The following CFAP58 variants were observed in gnomAD, a reference collection of about 807,000 sequenced individuals.
CFAP58 encodes cilia- and flagella-associated protein 58.
Under a neutral mutation model 119.5 loss-of-function variants are expected in CFAP58, and 88 were observed. The ratio of observed to expected loss-of-function variants is 0.74; its 90% CI spans 0.62 to 0.88. The LOEUF (loss-of-function observed/expected upper bound fraction) is 0.88. Ranked by LOEUF, CFAP58 falls within the 40% of genes least tolerant of loss-of-function variation. The pLI is 0.00. For missense variants in CFAP58, 990 were observed against 1,021.2 expected (o/e 0.97, Z 0.42); for synonymous variants, 365 against 366.3 (o/e 1.00, Z 0.04).
chr10:104,403,837 C>CGAGGT lies in CFAP58; in HGVS notation c.2149_2151+2dup, dbSNP rs1564894077. 6.2e-7 allele frequency: 1 copy of CGAGGT among 1,602,092 alleles called. No homozygotes were observed. Among genetic ancestry groups the CGAGGT allele is most frequent in the South Asian group, 1.1e-5 (1 of 89,604 alleles). ...TGAATGTGCACAGATGGAGGAAGCT[C>CGAGGT]GAGGTAACATCTGGCAGCGTGTTCT... is the stretch of plus-strand genomic sequence containing the variant. On this transcript the variant is annotated frameshift_variant, in exon 14 of 18. Coordinates refer to ENST00000369704, the MANE Select transcript of CFAP58 (RefSeq NM_001008723.2). LOFTEE classifies it high-confidence loss of function.
intron 13 of CFAP58, among the ~76,000 whole-genome samples, chr10:104,402,289 C>CCTT (rs2012279949): frequency 6.6e-6 from 1 of 152,166 alleles, no homozygotes; most frequent in Non-Finnish European, 1.5e-5. Flanking sequence ...TCTGCCCTCC[C>CCTT]CTTCTGATGA....
intron 13 of CFAP58, 75 bp downstream of exon 13, chr10:104,400,978 C>A: frequency 9.8e-7 from 1 of 1,022,582 alleles, no homozygotes; most frequent in Non-Finnish European, 1.5e-6. Context: ...CGTAGTCATG[C>A]TTGTTGCTCA....
the CFAP58 span, among the ~76,000 whole-genome samples, chr10:104,345,050 G>A: frequency 5.3e-5 from 8 of 152,036 alleles, no homozygotes; most frequent in African/African-American, 1.7e-4. Context: ...GGGAGGCTGA[G>A]GCAGGAGAAT....
intron 15 of CFAP58, among the ~76,000 whole-genome samples, chr10:104,414,814 C>T (rs1256488396): frequency 1.3e-5 from 2 of 152,134 alleles, no homozygotes; most frequent in African/African-American, 4.8e-5. Flanking sequence ...GGACTACAGG[C>T]GCCTGCCACC....
At chr10:104,375,622 C>T (rs934346138) in intron 7 of CFAP58, among the ~76,000 whole-genome samples, 1 of 152,082 alleles carries the variant, frequency 6.6e-6, no homozygotes, top group Non-Finnish European at 1.5e-5. Flanking sequence ...TGACCATGGC[C>T]CGTGACACAG....
intron 1 of CFAP58, among the ~76,000 whole-genome samples, chr10:104,358,090 C>CAT (rs768145686): frequency 2.7e-5 from 4 of 148,244 alleles, no homozygotes; most frequent in Non-Finnish European, 3.0e-5. Flanking sequence ...TATATACACA[C>CAT]ATATATATGT....
intron 17 of CFAP58, among the ~76,000 whole-genome samples, chr10:104,453,972 G>A (rs112116950): frequency 1.3e-4 from 20 of 152,230 alleles, no homozygotes; most frequent in African/African-American, 4.6e-4. Flanking sequence ...AAATGTCCAA[G>A]TTTGATGAAG....
intron 15 of CFAP58, among the ~76,000 whole-genome samples, chr10:104,430,377 C>T (rs1000633617): frequency 7.2e-5 from 11 of 152,196 alleles, no homozygotes; most frequent in African/African-American, 2.4e-4. Context: ...CACGGGGCAA[C>T]AGAAACACTA....
At chr10:104,354,033 T>G (rs2014506115) in intron 1 of CFAP58, 127 bp downstream of exon 1, 1 of 1,191,410 alleles carries the variant, frequency 8.4e-7, no homozygotes, top group Non-Finnish European at 1.2e-6. Context: ...CCCTGCACCC[T>G]CACTCACTCC....
At chr10:104,342,603 T>A in the CFAP58 span, among the ~76,000 whole-genome samples, 1 of 142,408 alleles carries the variant, frequency 7.0e-6, no homozygotes, top group Non-Finnish European at 1.5e-5. Flanking sequence ...GAGGCCAAGG[T>A]GGGCAGATCA....
At chr10:104,435,904 C>T (rs1188349564) in intron 15 of CFAP58, among the ~76,000 whole-genome samples, 5 of 152,184 alleles carry the variant, frequency 3.3e-5, no homozygotes, top group Non-Finnish European at 5.9e-5. Context: ...CTGCCTGAAG[C>T]CTGCTCCTTC....
chr10:104,357,838 CACATAT>C (rs1564875471), intron 1 of CFAP58, among the ~76,000 whole-genome samples: 22 of 71,932 alleles, frequency 3.1e-4, no homozygotes, highest in African/African-American at 1.6e-3. Flanking sequence ...CATATATGTA[CACATAT>C]GTACACATAT....
the CFAP58 span, among the ~76,000 whole-genome samples, chr10:104,347,683 A>AT: frequency 3.8e-4 from 58 of 151,092 alleles, no homozygotes; most frequent in East Asian, 0.01. Context: ...AGGCTTTAAA[A>AT]TTTTTTTTTT....
chr10:104,341,929 A>G, the CFAP58 span, among the ~76,000 whole-genome samples: 4 of 152,208 alleles, frequency 2.6e-5, no homozygotes, highest in Non-Finnish European at 5.9e-5. Context: ...TCAGTGCAAG[A>G]TATGAATGTC....
At chr10:104,391,884 A>G (rs1201436361) in intron 9 of CFAP58, among the ~76,000 whole-genome samples, 1 of 152,100 alleles carries the variant, frequency 6.6e-6, no homozygotes, top group Non-Finnish European at 1.5e-5. Flanking sequence ...TTGTGTTAAG[A>G]TCTGTTTAAG....
At chr10:104,449,930 G>A (rs1181832927) in intron 16 of CFAP58, 141 bp from the exon 17 acceptor site, 12 of 783,838 alleles carry the variant, frequency 1.5e-5, no homozygotes, top group African/African-American at 3.5e-5. Context: ...CCCTGAGCTG[G>A]TGGAAGCATG....
intron 9 of CFAP58, chr10:104,382,270 C>T (rs1367866104): frequency 8.5e-6 from 6 of 704,484 alleles, no homozygotes; most frequent in Non-Finnish European, 1.3e-5. Context: ...AGTCACAGGG[C>T]TGTGCCGGAC....
At chr10:104,392,161 A>G in intron 9 of CFAP58, 72 bp from the exon 10 acceptor site, 1 of 1,374,506 alleles carries the variant, frequency 7.3e-7, no homozygotes, top group South Asian at 1.3e-5. Context: ...TAGATAAAAA[A>G]CTCCATTTGT....
intron 16 of CFAP58, 50 bp downstream of exon 16, chr10:104,447,867 G>A (rs1243110787): frequency 6.5e-7 from 1 of 1,542,554 alleles, no homozygotes; most frequent in South Asian, 1.2e-5. Flanking sequence ...CCACACTCTG[G>A]GGAGCACACC....
Sources: gnomAD v4.1 joint callset for allele counts (sites outside exome capture counted in the v4.1 genomes callset) on GRCh38, gnomAD v4.1.1 for gene constraint, MANE v1.5 for transcripts, NCBI Gene and HGNC (gene_info 2026-07-23, HGNC 2026-07-21) for gene names.